The following GLIS3 variants were observed in gnomAD, a reference collection of about 807,000 sequenced individuals.
GLIS3 encodes the protein zinc finger protein GLIS3.
GLIS3 carries 53 observed loss-of-function variants against 78.6 expected under a neutral mutation model. That is an observed-to-expected ratio of 0.67 (90% CI 0.54 to 0.85). The LOEUF is 0.85. GLIS3 is among the 40% of genes least tolerant of loss of function. GLIS3 has a pLI of 0.00. For synonymous variants in GLIS3, 684 were observed against 509.9 expected, an observed-to-expected ratio of 1.34 and a Z score of -4.60; for missense variants, 1,703 against 1,231.1, an observed-to-expected ratio of 1.38 and a Z score of -5.74.
At chr9:3,852,529 A>C (rs1254195048) in intron 9 of GLIS3, among the ~76,000 whole-genome samples, 1 of 152,224 alleles carries the variant, frequency 6.6e-6, no homozygotes, top group African/African-American at 2.4e-5. Flanking sequence ...ATGATCAATA[A>C]ATGCAACTCA....
intron 6 of GLIS3, among the ~76,000 whole-genome samples, chr9:3,925,276 C>T (rs1483701896): frequency 6.6e-6 from 1 of 152,046 alleles, no homozygotes; most frequent in Non-Finnish European, 1.5e-5. Flanking sequence ...ATAGCATTTC[C>T]CCCACTATAC....
chr9:3,976,986 A>G (rs1418370134), intron 4 of GLIS3, among the ~76,000 whole-genome samples: 2 of 151,944 alleles, frequency 1.3e-5, no homozygotes, highest in Non-Finnish European at 2.9e-5. Flanking sequence ...AATAATCATG[A>G]CAGATGGCTC....
intron 4 of GLIS3, among the ~76,000 whole-genome samples, chr9:3,974,590 A>G (rs1306241234): frequency 2.6e-5 from 4 of 152,188 alleles, no homozygotes; most frequent in Non-Finnish European, 4.4e-5. Context: ...GCCCGCAGAA[A>G]AACCAATCGC....
chr9:3,866,871 A>G (rs1384528593), intron 8 of GLIS3, among the ~76,000 whole-genome samples: 1 of 151,958 alleles, frequency 6.6e-6, no homozygotes, highest in Non-Finnish European at 1.5e-5. Flanking sequence ...AGCTGGTGGG[A>G]TGAGGGTAGA....
At chr9:3,945,976 C>T (rs1302362154) in intron 4 of GLIS3, among the ~76,000 whole-genome samples, 1 of 151,390 alleles carries the variant, frequency 6.6e-6, no homozygotes. Context: ...CCAGGCCAGC[C>T]AAGCTGCATT....
chr9:4,117,196 C>A (rs1288755423), intron 4 of GLIS3, among the ~76,000 whole-genome samples: 1 of 152,130 alleles, frequency 6.6e-6, no homozygotes, highest in Non-Finnish European at 1.5e-5. Flanking sequence ...TGTGTATCCC[C>A]TGGGTGATTT....
At chr9:4,198,543 G>C (rs1362385849) in intron 2 of GLIS3, among the ~76,000 whole-genome samples, 1 of 152,118 alleles carries the variant, frequency 6.6e-6, no homozygotes, top group Non-Finnish European at 1.5e-5. Context: ...CAGTCTTTGA[G>C]AAATATGGGA....
chr9:4,156,552 G>T (rs1003686837), intron 2 of GLIS3, among the ~76,000 whole-genome samples: 7 of 152,180 alleles, frequency 4.6e-5, no homozygotes, highest in Non-Finnish European at 1.0e-4. Context: ...AGGACAAAGT[G>T]TATTTGGTCT....
At chr9:3,946,335 C>T (rs1264437890) in intron 4 of GLIS3, among the ~76,000 whole-genome samples, 1 of 152,144 alleles carries the variant, frequency 6.6e-6, no homozygotes, top group Admixed American at 6.5e-5. Context: ...TAAATAAATG[C>T]TAAGGAAAAT....
At chr9:4,059,859 A>AGAGAGT (rs1563998509) in intron 4 of GLIS3, among the ~76,000 whole-genome samples, 2 of 150,770 alleles carry the variant, frequency 1.3e-5, no homozygotes, top group Non-Finnish European at 3.0e-5. Context: ...AGAGAGAGAG[A>AGAGAGT]GAGAGAGAAA....
At chr9:4,298,038 G>T (rs1270871841) in intron 1 of GLIS3, among the ~76,000 whole-genome samples, 7 of 152,154 alleles carry the variant, frequency 4.6e-5, no homozygotes, top group Non-Finnish European at 1.0e-4. Context: ...CCTCGGCCCC[G>T]TGCGCGAGCG....
intron 2 of GLIS3, among the ~76,000 whole-genome samples, chr9:4,205,413 G>C (rs765208192): frequency 6.6e-6 from 1 of 152,192 alleles, no homozygotes; most frequent in Non-Finnish European, 1.5e-5. Context: ...GGGATAGGCA[G>C]GACCTGAAGC....
At chr9:3,855,424 A>T (rs7866991) in intron 9 of GLIS3, 3,999 of 154,294 alleles carry the variant, frequency 0.026, 189 homozygotes, top group African/African-American at 0.094. Flanking sequence ...GCTCACAAAG[A>T]AGTCTGCACA....
chr9:4,414,913 A>C, the GLIS3 span, among the ~76,000 whole-genome samples: 1 of 151,596 alleles, frequency 6.6e-6, no homozygotes, highest in Admixed American at 6.6e-5. Context: ...TCCTTTTAGT[A>C]ATTTTCTATC....
rs3061609 is a variant in GLIS3, at chr9:3,951,841, AACACACACACACACACACAC to A, written c.1711-14672_1711-14653del. On this transcript the variant is annotated intron_variant, in intron 4 of 10. Coordinates refer to ENST00000381971, the MANE Select transcript of GLIS3 (RefSeq NM_001042413.2). ...AGAGAGAAAGAGAGGAATAAGCATG[AACACACACACACACACACAC>A]ACACACACACACACACACACACACG... Among the ~76,000 whole-genome samples the A allele has an allele frequency of 4.4e-3, 573 of 130,616 alleles. 5 individuals carry two copies. Among genetic ancestry groups the A allele is most frequent in the African/African-American group, 0.016 (550 of 34,280 alleles). The allele number at this position is 130,616 out of a possible 152,430, so 85.7% of individuals were successfully genotyped here.
intron 4 of GLIS3, among the ~76,000 whole-genome samples, chr9:4,050,590 G>A (rs1825681285): frequency 6.6e-6 from 1 of 152,056 alleles, no homozygotes; most frequent in Non-Finnish European, 1.5e-5. Context: ...AGAACTTAAA[G>A]TATAATAATA....
chr9:4,341,834 G>A (rs1304634195), intron 2 of GLIS3, among the ~76,000 whole-genome samples: 4 of 151,994 alleles, frequency 2.6e-5, no homozygotes, highest in Non-Finnish European at 4.4e-5. Flanking sequence ...TTTTTCCCAC[G>A]TTACTGATTA....
At chr9:4,098,208 T>TA (rs1830110215) in intron 4 of GLIS3, among the ~76,000 whole-genome samples, 1 of 152,178 alleles carries the variant, frequency 6.6e-6, no homozygotes, top group Non-Finnish European at 1.5e-5. Flanking sequence ...CGTTCTTACT[T>TA]AAATGCTAGT....
At chr9:4,216,838 G>A (rs1820897060) in intron 2 of GLIS3, among the ~76,000 whole-genome samples, 1 of 152,186 alleles carries the variant, frequency 6.6e-6, no homozygotes. Context: ...CAGAGATGAA[G>A]CAGACAAGGA....
Sources: allele counts gnomAD v4.1 joint callset (sites outside exome capture counted in the v4.1 genomes callset), GRCh38; gene constraint gnomAD v4.1.1; transcripts MANE v1.5; gene names NCBI Gene and HGNC (gene_info 2026-07-23, HGNC 2026-07-21).